ARHGAP32: variants seen among roughly 807,000 people sequenced by gnomAD.
ARHGAP32 encodes the protein Rho GTPase activating protein 32.
In ARHGAP32, 51 loss-of-function variants were observed where a neutral mutation model predicts 186.5. The observed-to-expected ratio is 0.27, with a 90% CI of 0.22 to 0.35. ARHGAP32 has a LOEUF of 0.35. Among genes scored for constraint, ARHGAP32 ranks in the 10% least tolerant of loss-of-function variants. The pLI is 1.00. For synonymous variants in ARHGAP32, 950 were observed against 964.3 expected, an observed-to-expected ratio of 0.99 and a Z score of 0.27; for missense variants, 2,186 against 2,623.5, an observed-to-expected ratio of 0.83 and a Z score of 3.64.
intron 6 of ARHGAP32, among the ~76,000 whole-genome samples, chr11:129,069,405 CT>C (rs776426542): frequency 2.0e-5 from 3 of 152,024 alleles, no homozygotes; most frequent in Non-Finnish European, 4.4e-5. Flanking sequence ...AGAACTTACT[CT>C]GGGCTGAACC....
chr11:129,132,878 A>G (rs574020504), intron 2 of ARHGAP32, among the ~76,000 whole-genome samples: 2 of 152,328 alleles, frequency 1.3e-5, no homozygotes, highest in African/African-American at 4.8e-5. Flanking sequence ...CAAAAAGAAA[A>G]TAAAAACTAT....
At chr11:129,069,210 T>C (rs1367169613) in intron 6 of ARHGAP32, among the ~76,000 whole-genome samples, 1 of 152,108 alleles carries the variant, frequency 6.6e-6, no homozygotes, top group African/African-American at 2.4e-5. Flanking sequence ...AGATGCTGAA[T>C]ATATTTAGAT....
chr11:129,247,727 T>C (rs1466044332), intron 1 of ARHGAP32, among the ~76,000 whole-genome samples: 1 of 151,894 alleles, frequency 6.6e-6, no homozygotes, highest in Non-Finnish European at 1.5e-5. Flanking sequence ...GTTTTCAGGA[T>C]AAAAAAAACT....
At chr11:129,153,258 T>C (rs1943329024) in intron 2 of ARHGAP32, among the ~76,000 whole-genome samples, 1 of 151,666 alleles carries the variant, frequency 6.6e-6, no homozygotes, top group Admixed American at 6.6e-5. Flanking sequence ...TGGAAACACA[T>C]CCCATGTTCG....
chr11:129,173,965 G>A (rs1043129848), intron 1 of ARHGAP32, among the ~76,000 whole-genome samples: 6 of 152,150 alleles, frequency 3.9e-5, no homozygotes, highest in Admixed American at 1.3e-4. Flanking sequence ...GAACAGCTCC[G>A]GTCCACAGCT....
At chr11:129,170,259 CA>C (rs1943731195) in intron 1 of ARHGAP32, among the ~76,000 whole-genome samples, 1 of 146,374 alleles carries the variant, frequency 6.8e-6, no homozygotes, top group South Asian at 2.2e-4. Flanking sequence ...AGGTTTGTTA[CA>C]TAGGTATACA....
intron 2 of ARHGAP32, among the ~76,000 whole-genome samples, chr11:129,154,287 G>A (rs1305220363): frequency 6.6e-6 from 1 of 152,174 alleles, no homozygotes; most frequent in Non-Finnish European, 1.5e-5. Flanking sequence ...TGATGGGAAT[G>A]TAAACTAGTA....
chr11:129,162,163 G>C (rs1259908863), intron 2 of ARHGAP32, among the ~76,000 whole-genome samples: 2 of 152,116 alleles, frequency 1.3e-5, no homozygotes, highest in African/African-American at 4.8e-5. Context: ...GGGGCTAGGG[G>C]AAGGATAGCA....
intron 6 of ARHGAP32, among the ~76,000 whole-genome samples, chr11:129,072,996 C>T (rs903157583): frequency 3.3e-5 from 5 of 152,130 alleles, no homozygotes; most frequent in Non-Finnish European, 7.3e-5. Flanking sequence ...CTCCAGTCAT[C>T]GTGTCCTACC....
intron 1 of ARHGAP32, among the ~76,000 whole-genome samples, chr11:129,171,597 G>C (rs1943762264): frequency 6.6e-6 from 1 of 152,172 alleles, no homozygotes; most frequent in Non-Finnish European, 1.5e-5. Flanking sequence ...TTTGAAGTCA[G>C]GTAGCGTGAT....
At chr11:129,071,858 G>C (rs1008278151) in intron 6 of ARHGAP32, among the ~76,000 whole-genome samples, 3 of 152,054 alleles carry the variant, frequency 2.0e-5, no homozygotes, top group Non-Finnish European at 4.4e-5. Flanking sequence ...TGTGGTATAC[G>C]TACACAATGG....
intron 11 of ARHGAP32, among the ~76,000 whole-genome samples, chr11:129,002,804 G>GTTTT (rs1565369359): frequency 1.0e-5 from 1 of 99,222 alleles, no homozygotes. Context: ...AAGGGATGTT[G>GTTTT]ATTTTTTTTT....
chr11:129,279,259 A>C (rs1193600933), exon 1 of ARHGAP32: 5 of 101,522 alleles, frequency 4.9e-5, no homozygotes, highest in African/African-American at 1.8e-4. Context: ...GCCGCCGCCG[A>C]GCGCCGCCCG....
chr11:129,174,058 C>G (rs1417840736), intron 1 of ARHGAP32, among the ~76,000 whole-genome samples: 2 of 152,332 alleles, frequency 1.3e-5, no homozygotes, highest in Non-Finnish European at 1.5e-5. Flanking sequence ...GAGTGCCAGA[C>G]AGTGGGCACA....
At chr11:128,983,388 G>T (rs59364507) in intron 15 of ARHGAP32, among the ~76,000 whole-genome samples, 1 of 145,212 alleles carries the variant, frequency 6.9e-6, no homozygotes, top group Non-Finnish European at 1.5e-5. Flanking sequence ...TATTTAGATC[G>T]CAAGGACAAA....
chr11:129,267,934 G>T (rs557364877), intron 1 of ARHGAP32, among the ~76,000 whole-genome samples: 2 of 151,980 alleles, frequency 1.3e-5, no homozygotes, highest in African/African-American at 2.4e-5. Context: ...GGGAACTAAC[G>T]GAGGGACAGC....
intron 11 of ARHGAP32, among the ~76,000 whole-genome samples, chr11:129,021,893 G>A (rs1217025194): frequency 1.3e-5 from 2 of 151,934 alleles, no homozygotes; most frequent in African/African-American, 2.4e-5. Context: ...CATTTTACCA[G>A]AAGCAGGAGG....
chr11:129,130,842 G>A (rs575720045), intron 2 of ARHGAP32, among the ~76,000 whole-genome samples: 30 of 152,190 alleles, frequency 2.0e-4, no homozygotes, highest in African/African-American at 7.0e-4. Context: ...TCCCAAATAT[G>A]TATCCCCCTA....
At chr11:129,250,901 A>T (rs917473129) in intron 1 of ARHGAP32, among the ~76,000 whole-genome samples, 1 of 152,238 alleles carries the variant, frequency 6.6e-6, no homozygotes, top group African/African-American at 2.4e-5. Flanking sequence ...AAATCACACC[A>T]TTCAGCACAC....
Sources: allele counts gnomAD v4.1 joint callset (sites outside exome capture counted in the v4.1 genomes callset), GRCh38; gene constraint gnomAD v4.1.1; transcripts MANE v1.5; gene names NCBI Gene and HGNC (gene_info 2026-07-23, HGNC 2026-07-21).